ACKR2: variants seen among roughly 807,000 people sequenced by gnomAD.
ACKR2 encodes C-C chemokine receptor D6.
For missense variants in ACKR2, 457 were observed against 477.3 expected (o/e 0.96, Z 0.40); for synonymous variants, 207 against 192.2 (o/e 1.08, Z -0.64).
chr3:42,844,408 A>T (rs1006271766), intron 2 of ACKR2, among the ~76,000 whole-genome samples: 13 of 152,010 alleles, frequency 8.6e-5, no homozygotes, highest in Admixed American at 4.6e-4. Flanking sequence ...GAGGTGGGGT[A>T]TTTAGGCACC....
chr3:42,852,902 G>C lies in ACKR2; in HGVS notation c.-37-11564G>C, dbSNP rs1701177557. 6.6e-6 allele frequency among the ~76,000 whole-genome samples: 1 copy of C among 151,982 alleles called. No homozygotes were observed. The highest frequency in any genetic ancestry group is 2.4e-5 in the African/African-American group (1 of 41,344). ...AAAGTAAGGAGAGAGAGTGTGCCGT[G>C]ATCTGGAATCAGAGGCCAGCTGATT... On this transcript the variant is annotated intron_variant, in intron 2 of 2. Transcript: ENST00000422265. The surrounding 1 kb of genome is among the most constrained non-coding windows in gnomAD (Gnocchi z 4.3).
chr3:42,853,736 T>C (rs1176728299), intron 2 of ACKR2, among the ~76,000 whole-genome samples: 1 of 152,220 alleles, frequency 6.6e-6, no homozygotes, highest in African/African-American at 2.4e-5. Flanking sequence ...AGTATTTACT[T>C]CTATCAGGTA....
chr3:42,853,364 G>A (rs564300298), intron 2 of ACKR2, among the ~76,000 whole-genome samples: 2 of 152,242 alleles, frequency 1.3e-5, no homozygotes, highest in African/African-American at 4.8e-5. Context: ...ATTTTATAAG[G>A]TTATTGTGAG....
intron 1 of ACKR2, among the ~76,000 whole-genome samples, chr3:42,816,459 G>A (rs1293820482): frequency 6.6e-6 from 1 of 151,920 alleles, no homozygotes; most frequent in Non-Finnish European, 1.5e-5. Flanking sequence ...GATAATTTTT[G>A]TAGTGAACAA....
intron 1 of ACKR2, among the ~76,000 whole-genome samples, chr3:42,811,405 A>G (rs1700692813): frequency 6.6e-6 from 1 of 152,216 alleles, no homozygotes; most frequent in Admixed American, 6.5e-5. Context: ...TGTTAACAAT[A>G]TGTTTACAGG....
chr3:42,834,438 G>A (rs1231181318), intron 2 of ACKR2, among the ~76,000 whole-genome samples: 2 of 151,938 alleles, frequency 1.3e-5, no homozygotes, highest in African/African-American at 4.8e-5. Flanking sequence ...ACAGTCACAC[G>A]ATCATGCCTC....
intron 2 of ACKR2, among the ~76,000 whole-genome samples, chr3:42,845,175 C>T (rs529354890): frequency 3.2e-4 from 48 of 152,306 alleles, no homozygotes; most frequent in Middle Eastern, 3.4e-3. Context: ...TTTAGACTGA[C>T]CTGCTTCCCT....
At chr3:42,829,859 G>A (rs957282355) in intron 2 of ACKR2, among the ~76,000 whole-genome samples, 3 of 152,146 alleles carry the variant, frequency 2.0e-5, no homozygotes, top group Admixed American at 1.3e-4. Flanking sequence ...AAAGGGCACC[G>A]GGGTACATGC....
Position 42,865,545 on chromosome 3 carries a change from C to A in ACKR2, c.1043C>A (p.Ser348Tyr), listed in dbSNP as rs1319963568. 4.3e-6 allele frequency: 7 copies of A among 1,614,076 alleles called. No individual in the cohort carries two copies. The highest frequency in any genetic ancestry group is 5.9e-6 in the Non-Finnish European group (7 of 1,180,052). Reference sequence around the variant, plus strand: ...GCCCAGGCCTCATTATCCAGCTGTTCTGAGAGCAGCATACTTACTGCCCAA... The same window carrying A: ...GCCCAGGCCTCATTATCCAGCTGTTATGAGAGCAGCATACTTACTGCCCAA... ...GTAQASLSSCSESSILTAQEE... is the reference protein window; with the variant it reads ...GTAQASLSSCYESSILTAQEE... Residue 348 changes from serine (S) to tyrosine (Y), a missense_variant, in exon 3 of 3, where the codon TCT becomes TAT. Physicochemically the swap from Ser to Tyr is moderately radical, Grantham distance 144. Coordinates refer to ENST00000422265, the MANE Select transcript of ACKR2 (RefSeq NM_001296.5).
chr3:42,827,520 G>C (rs1460259599), intron 2 of ACKR2, among the ~76,000 whole-genome samples: 1 of 152,090 alleles, frequency 6.6e-6, no homozygotes, highest in African/African-American at 2.4e-5. Flanking sequence ...TCATCGAAAG[G>C]CTGAAAGAAT....
intron 2 of ACKR2, among the ~76,000 whole-genome samples, chr3:42,829,001 G>C (rs189915709): frequency 6.6e-6 from 1 of 152,132 alleles, no homozygotes; most frequent in Non-Finnish European, 1.5e-5. Flanking sequence ...TGGGAGAGGG[G>C]AGCATCAAGC....
rs1334866979 is a variant in ACKR2, at chr3:42,828,097, T to A, written c.-38+8386T>A. ...CATTATATATATATATATATATTTT[T>A]TTTTTTTTCTTTTCTTTTCTTTTCT... On this transcript the variant is annotated intron_variant, in intron 2 of 2. Transcript: ENST00000422265. Among the ~76,000 whole-genome samples the A allele has an allele frequency of 1.0e-3, 147 of 143,890 alleles. 2 individuals carry two copies. The highest frequency in any genetic ancestry group is 2.2e-3 in the African/African-American group (89 of 39,830). 94.4% of individuals were successfully genotyped at this position (143,890 alleles called of 152,430 possible). A position where few individuals can be genotyped will look rare whatever the true frequency, so the allele number is the denominator to read the frequency against.
intron 1 of ACKR2, among the ~76,000 whole-genome samples, chr3:42,819,346 A>G (rs1328129730): frequency 6.6e-6 from 1 of 152,228 alleles, no homozygotes; most frequent in Non-Finnish European, 1.5e-5. Context: ...GATTACACAA[A>G]ACAACATTGA....
chr3:42,846,295 A>C (rs1026287578), intron 2 of ACKR2, among the ~76,000 whole-genome samples: 1 of 152,204 alleles, frequency 6.6e-6, no homozygotes. Context: ...CAAGGTCCCC[A>C]GTTCTCAACT....
chr3:42,814,356 T>C (rs1161085010), intron 1 of ACKR2, among the ~76,000 whole-genome samples: 1 of 152,226 alleles, frequency 6.6e-6, no homozygotes, highest in East Asian at 1.9e-4. Flanking sequence ...CTGTAATTTA[T>C]AGAAAGAAAG....
At chr3:42,860,915 G>A (rs1476136394) in intron 2 of ACKR2, among the ~76,000 whole-genome samples, 1 of 152,186 alleles carries the variant, frequency 6.6e-6, no homozygotes, top group Non-Finnish European at 1.5e-5. Context: ...AAGCAGGAAA[G>A]ATTTAAAATC....
intron 2 of ACKR2, among the ~76,000 whole-genome samples, chr3:42,821,840 G>A (rs1238997441): frequency 1.3e-5 from 2 of 151,966 alleles, no homozygotes; most frequent in Admixed American, 6.6e-5. Context: ...GGGACTACAG[G>A]GGCCCACTAC....
chr3:42,812,680 C>CTTTTTTTTTT lies in ACKR2; in HGVS notation c.-119+3163_-119+3172dup, dbSNP rs71616070. Among the ~76,000 whole-genome samples, 294 of 72,732 alleles carry CTTTTTTTTTT rather than the reference C, an allele frequency of 4.0e-3. 23 individuals are homozygous for CTTTTTTTTTT. The highest frequency in any genetic ancestry group is 0.023 in the Middle Eastern group (1 of 44). The allele number at this position is 72,732 out of a possible 152,430, so 47.7% of individuals were successfully genotyped here. On this transcript the variant is annotated intron_variant, in intron 1 of 2. Transcript: ENST00000422265. ...TAAAAGTGGTTGGGCAATTTTCAGCCTTTTTTTTTTTTTTTTTTTTTTTTG... is the reference window on the plus strand; with the variant it reads ...TAAAAGTGGTTGGGCAATTTTCAGCCTTTTTTTTTTTTTTTTTTTTTTTTTTTTTTTTTTG...
In ACKR2 at chr3:42,865,890, CCTTG is replaced by C. The variant is rs1275340391; in HGVS notation, c.*237_*240del. On this transcript the variant is annotated 3_prime_UTR_variant, in exon 3 of 3. Coordinates refer to ENST00000422265, the MANE Select transcript of ACKR2 (RefSeq NM_001296.5). The stretch of plus-strand genomic sequence containing the variant: ...TTGCTACAATCTTTCTTCCTTCCTT[CCTTG>C]CTTCCTTCCTTCCTTCCTTCCCTCT... 2.1e-6 allele frequency: 1 copy of C among 480,614 alleles called. No homozygotes were observed. Among genetic ancestry groups the C allele is most frequent in the African/African-American group, 2.0e-5 (1 of 50,822 alleles). The allele number at this position is 480,614 out of a possible 1,614,324, so 29.8% of individuals were successfully genotyped here.
Sources: allele counts gnomAD v4.1 joint callset (sites outside exome capture counted in the v4.1 genomes callset), GRCh38; gene constraint gnomAD v4.1.1; non-coding constraint Gnocchi (gnomAD v3.1); transcripts MANE v1.5; gene names NCBI Gene and HGNC (gene_info 2026-07-23, HGNC 2026-07-21).